The following PCDH15 variants were observed in gnomAD, a reference collection of about 807,000 sequenced individuals.
PCDH15 encodes protocadherin-15.
A neutral mutation model predicts 178.5 loss-of-function variants in PCDH15; 129 were observed. The observed-to-expected ratio is 0.72, with a 90% confidence interval of 0.63 to 0.84. The LOEUF (loss-of-function observed/expected upper bound fraction) is 0.84. Ranked by LOEUF, PCDH15 falls within the 40% of genes least tolerant of loss-of-function variation. The probability of loss-of-function intolerance (pLI) is 0.00; values close to 1 mark genes in which losing one functional copy is unlikely to be tolerated. For synonymous variants in PCDH15, 800 were observed against 732.0 expected (o/e 1.09, Z -1.50); for missense variants, 2,230 against 2,099.9 (o/e 1.06, Z -1.21).
chr10:55,558,160 G>A (rs1392156576), intron 2 of PCDH15, among the ~76,000 whole-genome samples: 2 of 151,866 alleles, frequency 1.3e-5, no homozygotes, highest in African/African-American at 4.8e-5. Context: ...TCCACAGCAT[G>A]GGCTTCTGTT....
At chr10:53,974,206 G>C (rs1035130967) in intron 21 of PCDH15, among the ~76,000 whole-genome samples, 2 of 151,984 alleles carry the variant, frequency 1.3e-5, no homozygotes, top group African/African-American at 4.8e-5. Context: ...GAAGAGACAG[G>C]GTTTCACCAT....
chr10:54,315,726 G>T lies in PCDH15; in HGVS notation c.876+1545C>A, dbSNP rs374518691. Among the ~76,000 whole-genome samples, 216 of 142,020 alleles carry T rather than the reference G, an allele frequency of 1.5e-3. 1 individual carries two copies. Among genetic ancestry groups the T allele is most frequent in the African/African-American group, 3.1e-3 (120 of 38,424 alleles). The allele number at this position is 142,020 out of a possible 152,430, so 93.2% of individuals were successfully genotyped here. ...TTGGTTATGGTATAAGGAGGGGGGG[G>T]TCCAGCTTCAATCTTCATATGGCTA... On this transcript the variant is annotated intron_variant, in intron 8 of 37. Coordinates refer to ENST00000644397, the MANE Select transcript of PCDH15 (RefSeq NM_001384140.1).
intron 2 of PCDH15, among the ~76,000 whole-genome samples, chr10:55,497,089 A>C (rs1840551305): frequency 6.6e-6 from 1 of 151,858 alleles, no homozygotes; most frequent in South Asian, 2.1e-4. Flanking sequence ...TTAAATGGAA[A>C]AAATTAAAGG....
At chr10:54,377,615 C>T (rs1948636668) in intron 4 of PCDH15, among the ~76,000 whole-genome samples, 1 of 152,082 alleles carries the variant, frequency 6.6e-6, no homozygotes, top group Non-Finnish European at 1.5e-5. Context: ...CACTCCATAA[C>T]CTATTGTAAA....
chr10:55,210,618 CTTTTTTT>C (rs11412877), intron 1 of PCDH15, among the ~76,000 whole-genome samples: 22 of 40,342 alleles, frequency 5.5e-4, no homozygotes, highest in African/African-American at 1.0e-3. Flanking sequence ...TTTTTCTTTT[CTTTTTTT>C]TTTTTTTTTT....
chr10:53,995,308 T>C, intron 21 of PCDH15: 2 of 327,070 alleles, frequency 6.1e-6, no homozygotes, highest in Admixed American at 4.5e-5. Context: ...TAGTCATATA[T>C]GCATACAGTG....
chr10:54,533,346 C>A (rs2084127428), intron 2 of PCDH15, among the ~76,000 whole-genome samples: 1 of 152,004 alleles, frequency 6.6e-6, no homozygotes, highest in Non-Finnish European at 1.5e-5. Context: ...AAGATAAGGT[C>A]ATTGGTGACA....
At chr10:55,607,988 G>A (rs1431899864) in intron 2 of PCDH15, among the ~76,000 whole-genome samples, 1 of 151,990 alleles carries the variant, frequency 6.6e-6, no homozygotes, top group Admixed American at 6.6e-5. Context: ...TATAATTTGA[G>A]TCATTTATAA....
intron 1 of PCDH15, among the ~76,000 whole-genome samples, chr10:55,301,844 C>T (rs1301418487): frequency 1.3e-5 from 2 of 152,052 alleles, no homozygotes; most frequent in East Asian, 1.9e-4. Context: ...ATTAAAAAGG[C>T]TATCTTTCCT....
At chr10:55,517,592 T>G (rs570552322) in intron 2 of PCDH15, among the ~76,000 whole-genome samples, 1 of 152,208 alleles carries the variant, frequency 6.6e-6, no homozygotes, top group African/African-American at 2.4e-5. Context: ...AGAATAGTGG[T>G]TTTTTTACAA....
At chr10:55,005,207 A>AAATAATAATAATAATAATAAGAATAAT in intron 2 of PCDH15, among the ~76,000 whole-genome samples, 1 of 103,362 alleles carries the variant, frequency 9.7e-6, no homozygotes, top group African/African-American at 2.8e-5. Flanking sequence ...CCCTGTCTCT[A>AAATAATAATAATAATAATAAGAATAAT]AATAATAATA....
Position 55,148,514 on chromosome 10 carries a change from C to T in PCDH15, c.-80+18062G>A, listed in dbSNP as rs149105058. Among the ~76,000 whole-genome samples, 28 of 151,870 alleles carry T rather than the reference C, an allele frequency of 1.8e-4. 1 individual carries two copies. The East Asian group carries it at 5.0e-3, about 27-fold the overall frequency. On this transcript the variant is annotated intron_variant, in intron 2 of 5. Transcript: ENST00000458638. Reference sequence around the variant, plus strand: ...TAATAGGGACTATTTCAGTTTACAACCCAGGGAATGGTTGACCTTCTTTGC... The same window carrying T: ...TAATAGGGACTATTTCAGTTTACAATCCAGGGAATGGTTGACCTTCTTTGC...
chr10:55,067,430 A>G, intron 2 of PCDH15, among the ~76,000 whole-genome samples: 1 of 152,060 alleles, frequency 6.6e-6, no homozygotes, highest in East Asian at 1.9e-4. Context: ...TAACAACAGA[A>G]TAGTATTCCA....
chr10:53,869,564 A>G (rs1399730496), intron 26 of PCDH15, among the ~76,000 whole-genome samples: 1 of 152,220 alleles, frequency 6.6e-6, no homozygotes, highest in Non-Finnish European at 1.5e-5. Context: ...AATAACAAAC[A>G]TGCAAAAAGT....
intron 3 of PCDH15, among the ~76,000 whole-genome samples, chr10:54,381,162 A>T (rs189225941): frequency 6.6e-6 from 1 of 152,214 alleles, no homozygotes; most frequent in Non-Finnish European, 1.5e-5. Context: ...CAGACATGAT[A>T]CAAGGAGCAA....
At chr10:55,103,696 A>C (rs551332030) in intron 2 of PCDH15, among the ~76,000 whole-genome samples, 1 of 152,182 alleles carries the variant, frequency 6.6e-6, no homozygotes, top group African/African-American at 2.4e-5. Context: ...AGTTCTTTCC[A>C]TATAGTGCCA....
intron 3 of PCDH15, among the ~76,000 whole-genome samples, chr10:54,877,930 CTCTCTCTCTTTTTTTTTTTTTTTTTT>C (rs1480622438): frequency 3.4e-3 from 14 of 4,128 alleles, no homozygotes; most frequent in African/African-American, 7.1e-3. Context: ...CTCTTTCTCT[CTCTCTCTCTTTTTTTTTTTTTTTTTT>C]TTTTTTTTTT....
intron 5 of PCDH15, among the ~76,000 whole-genome samples, chr10:54,363,776 T>C (rs1377284518): frequency 6.6e-6 from 1 of 152,190 alleles, no homozygotes; most frequent in Non-Finnish European, 1.5e-5. Context: ...GAGAGTATAT[T>C]TTCTTTCAAT....
chr10:54,508,617 G>A (rs2081369219), intron 3 of PCDH15, among the ~76,000 whole-genome samples: 1 of 152,096 alleles, frequency 6.6e-6, no homozygotes, highest in African/African-American at 2.4e-5. Context: ...CATTGAATAT[G>A]GCACTGAAGT....
Sources: allele counts gnomAD v4.1 joint callset (sites outside exome capture counted in the v4.1 genomes callset), GRCh38; gene constraint gnomAD v4.1.1; transcripts MANE v1.5; gene names NCBI Gene and HGNC (gene_info 2026-07-23, HGNC 2026-07-21).